Variants in GUCY2C observed in about 807,000 individuals in gnomAD.
GUCY2C encodes guanylate cyclase 2C, also known as guanylyl cyclase C.
A neutral mutation model predicts 131.1 loss-of-function variants in GUCY2C; 118 were observed. The ratio of observed to expected loss-of-function variants is 0.90; its 90% CI spans 0.78 to 1.05. GUCY2C has a LOEUF of 1.05. Among genes scored for constraint, GUCY2C ranks in the 50% least tolerant of loss-of-function variants. The pLI is 0.00. For synonymous variants in GUCY2C, 452 were observed against 457.8 expected (o/e 0.99, Z 0.16); for missense variants, 1,161 against 1,304.4 (o/e 0.89, Z 1.69).
chr12:14,679,167 A>G (rs1312462461), intron 6 of GUCY2C, among the ~76,000 whole-genome samples: 2 of 152,230 alleles, frequency 1.3e-5, no homozygotes, highest in Non-Finnish European at 2.9e-5. Context: ...TAGTTGATTT[A>G]TCATTTTCTG....
At chr12:14,661,587 C>T (rs969902040) in intron 10 of GUCY2C, among the ~76,000 whole-genome samples, 9 of 151,660 alleles carry the variant, frequency 5.9e-5, no homozygotes, top group African/African-American at 1.2e-4. Flanking sequence ...TACAGGTGTG[C>T]GCCACCATGC....
intron 17 of GUCY2C, 77 bp from the exon 18 acceptor site, chr12:14,641,296 T>TA: frequency 7.3e-7 from 1 of 1,378,720 alleles, no homozygotes. Flanking sequence ...TTTTGCTCTC[T>TA]AATTCCCTAC....
chr12:14,669,418 G>A (rs1450432812), intron 10 of GUCY2C, among the ~76,000 whole-genome samples: 1 of 150,646 alleles, frequency 6.6e-6, no homozygotes, highest in African/African-American at 2.5e-5. Context: ...GTTTCACCAT[G>A]TTGCCCAGGC....
chr12:14,683,146 G>A lies in GUCY2C; in HGVS notation c.507C>T (p.Tyr169=), dbSNP rs2137094461. ...RLMSPARKLM[Y]FLVNFWKTND... ...TGGTTTTCCAAAAGTTAACCAAGAA[G>A]TACATCAACTTTCTAGCTGGAGACA... Residue 169 remains tyrosine, a synonymous_variant, in exon 4 of 27, where the codon TAC becomes TAT. Coordinates refer to ENST00000261170, the MANE Select transcript of GUCY2C (RefSeq NM_004963.4). 4 of 1,612,928 alleles carry A rather than the reference G, an allele frequency of 2.5e-6. No homozygotes were observed. In the East Asian group the frequency reaches 6.7e-5, roughly 27 times the overall value.
At chr12:14,616,278 G>T (rs1379136988) in intron 25 of GUCY2C, among the ~76,000 whole-genome samples, 1 of 152,262 alleles carries the variant, frequency 6.6e-6, no homozygotes, top group Admixed American at 6.5e-5. Flanking sequence ...TAGCAGCAGT[G>T]TGTAGTAAGA....
chr12:14,663,730 C>CA (rs1389027314), intron 10 of GUCY2C, among the ~76,000 whole-genome samples: 1 of 152,156 alleles, frequency 6.6e-6, no homozygotes, highest in Non-Finnish European at 1.5e-5. Flanking sequence ...GGGCACAGTC[C>CA]ATGTCCTACT....
intron 24 of GUCY2C, among the ~76,000 whole-genome samples, chr12:14,616,972 C>T (rs1336505034): frequency 6.6e-6 from 1 of 152,160 alleles, no homozygotes; most frequent in African/African-American, 2.4e-5. Context: ...TCCTGGCCCC[C>T]GACCAGGTGT....
At position 14,651,424 on chromosome 12, in the gene GUCY2C, C is replaced by T; in HGVS notation, c.1693G>A (p.Glu565Lys). 6.4e-7 allele frequency: 1 copy of T among 1,570,940 alleles called. No individual in the cohort carries two copies. The highest frequency in any genetic ancestry group is 8.8e-7 in the Non-Finnish European group (1 of 1,140,738). The change falls in exon 15 of 27, where the codon GAG becomes AAG. Residue 565 changes from glutamate (E) to lysine (K), a missense_variant. Physicochemically the swap from Glu to Lys is moderately conservative, Grantham distance 56 (BLOSUM62 1). Transcript: ENST00000261170. ...TTTCTTACCCGGAGGGATCCTCTCT[C>T]ACAGTATTCTATCACCCCGAAGATC... ...TMIFGVIEYC[E>K]RGSLREVLND...
intron 10 of GUCY2C, among the ~76,000 whole-genome samples, chr12:14,668,966 C>T (rs1241284583): frequency 1.3e-5 from 2 of 152,110 alleles, no homozygotes; most frequent in African/African-American, 4.8e-5. Flanking sequence ...ACTGTAAAGG[C>T]CAGGATCACT....
intron 5 of GUCY2C, among the ~76,000 whole-genome samples, chr12:14,680,792 A>G (rs1228985109): frequency 1.3e-5 from 2 of 152,136 alleles, no homozygotes; most frequent in Admixed American, 6.6e-5. Context: ...GCTGTACCCA[A>G]TGTGTGGTCA....
chr12:14,652,873 AT>A lies in GUCY2C; in HGVS notation c.1533+78del, dbSNP rs1947692124. 4 of 916,548 alleles carry A rather than the reference AT, an allele frequency of 4.4e-6. No homozygotes were observed. The Admixed American group carries it at 6.8e-5, about 16-fold the overall frequency. 56.8% of individuals were successfully genotyped at this position (916,548 alleles called of 1,614,324 possible). A position where few individuals can be genotyped will look rare whatever the true frequency, so the allele number is the denominator to read the frequency against. On this transcript the variant is annotated intron_variant, in intron 13 of 26. Coordinates refer to ENST00000261170, the MANE Select transcript of GUCY2C (RefSeq NM_004963.4). ...GGACTCCCACCATTGTGATACTGACATCAGGGGCCAGGGCAATGAGGGGTCA... is the reference window on the plus strand; with the variant it reads ...GGACTCCCACCATTGTGATACTGACACAGGGGCCAGGGCAATGAGGGGTCA...
intron 17 of GUCY2C, among the ~76,000 whole-genome samples, chr12:14,642,812 T>C (rs1448456258): frequency 6.6e-6 from 1 of 152,212 alleles, no homozygotes; most frequent in East Asian, 1.9e-4. Flanking sequence ...TTCAATATCA[T>C]ATTATGCTTG....
At chr12:14,626,435 A>G (rs903388258) in intron 20 of GUCY2C, among the ~76,000 whole-genome samples, 1 of 152,220 alleles carries the variant, frequency 6.6e-6, no homozygotes, top group African/African-American at 2.4e-5. Flanking sequence ...GGAAATACAT[A>G]TAGTACAAAA....
At chr12:14,639,450 T>G (rs904031550) in intron 19 of GUCY2C, among the ~76,000 whole-genome samples, 1 of 152,192 alleles carries the variant, frequency 6.6e-6, no homozygotes, top group African/African-American at 2.4e-5. Context: ...CTGGAACCTA[T>G]GAATGCTACC....
intron 15 of GUCY2C, among the ~76,000 whole-genome samples, chr12:14,650,310 T>C (rs1299437248): frequency 6.6e-6 from 1 of 152,118 alleles, no homozygotes; most frequent in Non-Finnish European, 1.5e-5. Context: ...TGCAGTGGCG[T>C]GATCTCGGCT....
At chr12:14,682,303 C>T (rs577677575) in intron 4 of GUCY2C, among the ~76,000 whole-genome samples, 3 of 152,244 alleles carry the variant, frequency 2.0e-5, no homozygotes, top group Non-Finnish European at 4.4e-5. Flanking sequence ...GTGGTTTCCC[C>T]CATGCTGTTC....
chr12:14,626,719 T>C (rs538082566), intron 20 of GUCY2C, among the ~76,000 whole-genome samples: 1 of 152,182 alleles, frequency 6.6e-6, no homozygotes, highest in Admixed American at 6.5e-5. Flanking sequence ...AGTTGAATAC[T>C]CAGAAAGACA....
At chr12:14,634,807 A>G (rs924584304) in intron 19 of GUCY2C, among the ~76,000 whole-genome samples, 1 of 152,228 alleles carries the variant, frequency 6.6e-6, no homozygotes, top group African/African-American at 2.4e-5. Flanking sequence ...AAGCAAGAGT[A>G]GCTATACTTA....
intron 21 of GUCY2C, among the ~76,000 whole-genome samples, chr12:14,624,206 C>T (rs113214444): frequency 0.013 from 1,938 of 152,120 alleles, 57 homozygotes; most frequent in African/African-American, 0.044. Flanking sequence ...TTTGGGAGGC[C>T]GAGGTGGGTG....
Sources: gnomAD v4.1 joint callset for allele counts (sites outside exome capture counted in the v4.1 genomes callset) on GRCh38, gnomAD v4.1.1 for gene constraint, MANE v1.5 for transcripts, NCBI Gene and HGNC (gene_info 2026-07-23, HGNC 2026-07-21) for gene names.